The following GLB1 variants were observed in gnomAD, a reference collection of about 807,000 sequenced individuals.
The protein encoded by GLB1 is galactosidase beta 1, also known as beta-galactosidase.
A neutral mutation model predicts 74.0 loss-of-function variants in GLB1; 56 were observed. That is an observed-to-expected ratio of 0.76 (90% CI 0.61 to 0.94). GLB1 has a LOEUF of 0.94. GLB1 is among the 40% of genes least tolerant of loss of function. GLB1 has a pLI of 0.00. For synonymous variants in GLB1, 323 were observed against 323.6 expected (o/e 1.00, Z 0.02); for missense variants, 787 against 845.5 (o/e 0.93, Z 0.86).
intron 12 of GLB1, among the ~76,000 whole-genome samples, chr3:33,019,600 C>A (rs1465241762): frequency 6.6e-6 from 1 of 152,176 alleles, no homozygotes; most frequent in Non-Finnish European, 1.5e-5. Context: ...ATGAGCTGAG[C>A]ACAAGAAATG....
chr3:33,059,000 T>C (rs1016349165), intron 5 of GLB1, among the ~76,000 whole-genome samples: 4 of 152,198 alleles, frequency 2.6e-5, no homozygotes, highest in Admixed American at 2.0e-4. Flanking sequence ...TGTTTGAGGT[T>C]GTCATACCTC....
the GLB1 span, among the ~76,000 whole-genome samples, chr3:32,964,828 C>T: frequency 6.6e-6 from 1 of 152,204 alleles, no homozygotes; most frequent in Non-Finnish European, 1.5e-5. Flanking sequence ...CCACAATCCC[C>T]ACGTGTCATG....
intron 2 of GLB1, among the ~76,000 whole-genome samples, chr3:33,070,835 AC>A (rs984504529): frequency 3.9e-5 from 6 of 152,278 alleles, no homozygotes; most frequent in African/African-American, 1.2e-4. Flanking sequence ...ACAGAGCAAG[AC>A]CCCAGCTCTA....
intron 3 of GLB1, 105 bp from the exon 4 acceptor site, chr3:33,068,395 G>A: frequency 1.4e-6 from 2 of 1,463,170 alleles, no homozygotes; most frequent in Non-Finnish European, 1.8e-6. Flanking sequence ...AAGCTTCAAG[G>A]GACAAGGGGT....
Position 33,090,923 on chromosome 3 carries a change from A to C in GLB1, c.75+6088T>G, listed in dbSNP as rs548355737. 3.0e-4 allele frequency: 298 copies of C among 985,422 alleles called. 2 individuals carry two copies. In the South Asian group the frequency reaches 6.9e-3, roughly 23 times the overall value. 61.0% of individuals were successfully genotyped at this position (985,422 alleles called of 1,614,324 possible). A position where few individuals can be genotyped will look rare whatever the true frequency, so the allele number is the denominator to read the frequency against. ...AGAAAGAAAAGAGGTAAGGATGCAA[A>C]ATTAAAAAAAAAATAGGACTTAATG... On this transcript the variant is annotated intron_variant, in intron 1 of 15. Transcript: ENST00000307363.
intron 9 of GLB1, among the ~76,000 whole-genome samples, chr3:33,048,553 G>C (rs2125517306): frequency 6.6e-6 from 1 of 152,316 alleles, no homozygotes; most frequent in Admixed American, 6.5e-5. Context: ...TGTTCCTGTG[G>C]GTGGGATGGG....
At chr3:33,064,560 T>C (rs1286065503) in intron 5 of GLB1, among the ~76,000 whole-genome samples, 2 of 151,554 alleles carry the variant, frequency 1.3e-5, no homozygotes, top group Non-Finnish European at 2.9e-5. Context: ...GCAGATCACC[T>C]GAGGTCAGGA....
chr3:32,975,427 C>G, the GLB1 span, among the ~76,000 whole-genome samples: 3 of 152,014 alleles, frequency 2.0e-5, no homozygotes. Flanking sequence ...GAGGCATCTT[C>G]CCATTAAACA....
At chr3:33,096,702 G>A (rs1701045144) in intron 1 of GLB1, 1 of 1,199,874 alleles carries the variant, frequency 8.3e-7, no homozygotes, top group Non-Finnish European at 1.0e-6. Context: ...GCCAACTTAG[G>A]AAATGTTTAC....
intron 1 of GLB1, among the ~76,000 whole-genome samples, chr3:33,076,015 A>T (rs1393365994): frequency 6.6e-6 from 1 of 151,178 alleles, no homozygotes; most frequent in African/African-American, 2.4e-5. Flanking sequence ...ACTGCACTCC[A>T]GCCTGGGCGA....
chr3:33,041,798 G>C (rs948976407), intron 10 of GLB1, among the ~76,000 whole-genome samples: 1 of 152,006 alleles, frequency 6.6e-6, no homozygotes, highest in Non-Finnish European at 1.5e-5. Flanking sequence ...TCAGGCAGAA[G>C]AAGCAATAGA....
chr3:32,986,181 C>T, the GLB1 span, among the ~76,000 whole-genome samples: 2 of 152,250 alleles, frequency 1.3e-5, no homozygotes, highest in African/African-American at 4.8e-5. Flanking sequence ...GCTGCTCCTG[C>T]TCATCGTTCA....
intron 11 of GLB1, among the ~76,000 whole-genome samples, 192 bp from the exon 12 acceptor site, chr3:33,021,847 T>C (rs1438986131): frequency 6.6e-6 from 1 of 152,208 alleles, no homozygotes; most frequent in Non-Finnish European, 1.5e-5. Flanking sequence ...TAACTCCTGA[T>C]GAAAACTATG....
the GLB1 span, among the ~76,000 whole-genome samples, chr3:32,963,636 A>ATATACT: frequency 1.6e-4 from 13 of 83,762 alleles, no homozygotes; most frequent in African/African-American, 7.9e-4. Context: ...GTAAATTAAC[A>ATATACT]TATACTATGA....
the GLB1 span, among the ~76,000 whole-genome samples, chr3:32,990,728 C>CT: frequency 6.6e-6 from 1 of 152,168 alleles, no homozygotes. Context: ...AATCCCAGCA[C>CT]TTTGGAAGGC....
intron 10 of GLB1, chr3:33,034,303 C>T (rs758498473): frequency 9.5e-6 from 7 of 733,168 alleles, no homozygotes; most frequent in East Asian, 2.5e-5. Context: ...AGATCAACAA[C>T]GCTTACACCA....
At chr3:32,962,858 C>T in the GLB1 span, among the ~76,000 whole-genome samples, 1 of 151,886 alleles carries the variant, frequency 6.6e-6, no homozygotes, top group African/African-American at 2.4e-5. Flanking sequence ...GCATAAAAAA[C>T]ACCAGTTCTT....
intron 1 of GLB1, chr3:33,091,700 AC>A: frequency 1.0e-6 from 1 of 985,250 alleles, no homozygotes; most frequent in Non-Finnish European, 1.2e-6. Context: ...AAAGTCACCC[AC>A]CCAACGCTGC....
chr3:33,043,844 G>GA (rs376478014), intron 10 of GLB1, among the ~76,000 whole-genome samples: 60,835 of 104,900 alleles, frequency 0.58, 19,190 homozygotes, highest in Middle Eastern at 0.76. Context: ...ACCAAAAAAA[G>GA]AAAAAAAAAA....
Sources: gnomAD v4.1 joint callset for allele counts (sites outside exome capture counted in the v4.1 genomes callset) on GRCh38, gnomAD v4.1.1 for gene constraint, MANE v1.5 for transcripts, NCBI Gene and HGNC (gene_info 2026-07-23, HGNC 2026-07-21) for gene names.